Variants in CA5A observed in about 807,000 individuals in gnomAD.
CA5A encodes carbonic anhydrase 5A, mitochondrial.
Under a neutral mutation model 37.1 loss-of-function variants are expected in CA5A, and 28 were observed. The observed-to-expected ratio is 0.75, with a 90% CI of 0.56 to 1.03. The LOEUF (loss-of-function observed/expected upper bound fraction) is 1.03. CA5A is among the 50% of genes least tolerant of loss of function. The pLI is 0.00. For synonymous variants in CA5A, 171 were observed against 158.4 expected (o/e 1.08, Z -0.60); for missense variants, 444 against 399.9 (o/e 1.11, Z -0.94).
At chr16:87,892,836 A>G (rs1481452873) in intron 5 of CA5A, 2 of 319,536 alleles carry the variant, frequency 6.3e-6, no homozygotes, top group Non-Finnish European at 1.1e-5. Context: ...TTGTATTTTT[A>G]GTAGAGACAG....
At chr16:87,929,868 TC>T (rs1400389896) in intron 1 of CA5A, among the ~76,000 whole-genome samples, 4 of 11,572 alleles carry the variant, frequency 3.5e-4, no homozygotes, top group Admixed American at 3.2e-3. Context: ...CGAGACTCCG[TC>T]TCAAAAAAAA....
chr16:87,916,840 C>T (rs7185841), intron 2 of CA5A, among the ~76,000 whole-genome samples: 2,782 of 152,134 alleles, frequency 0.018, 39 homozygotes, highest in Non-Finnish European at 0.028. Context: ...TGGTGGCTCA[C>T]GCCTGTAATC....
rs1197648512 is a variant in CA5A, at chr16:87,902,445, C to T, written c.535G>A (p.Val179Met). 1.2e-6 allele frequency: 2 copies of T among 1,611,730 alleles called. No individual in the cohort carries two copies. The highest frequency in any genetic ancestry group is 1.7e-6 in the Non-Finnish European group (2 of 1,177,898). ...EAVVGENGLA[V>M]IGVFLKLGAH... ...ATTACCTTTAAAAACACGCCTATCACAGCCAAACCATTCTCTCCCACGACA... is the reference window on the plus strand; with the variant it reads ...ATTACCTTTAAAAACACGCCTATCATAGCCAAACCATTCTCTCCCACGACA... Residue 179 changes from valine to methionine, a missense_variant, in exon 4 of 7, where the codon GTG becomes ATG. Val to Met is a conservative substitution (Grantham distance 21). Coordinates refer to ENST00000649794, the MANE Select transcript of CA5A (RefSeq NM_001739.2).
chr16:87,893,069 C>G, intron 5 of CA5A: 1 of 1,006,748 alleles, frequency 9.9e-7, no homozygotes, highest in East Asian at 2.6e-5. Context: ...TGCAGTCTCT[C>G]AAGCCCCGAG....
intron 2 of CA5A, among the ~76,000 whole-genome samples, chr16:87,920,447 T>G (rs927865188): frequency 1.3e-5 from 2 of 151,874 alleles, no homozygotes; most frequent in African/African-American, 4.8e-5. Context: ...GTAGCTGGGA[T>G]TACAGGCATG....
chr16:87,928,612 T>C (rs1420717062), intron 1 of CA5A, among the ~76,000 whole-genome samples: 1 of 152,176 alleles, frequency 6.6e-6, no homozygotes, highest in African/African-American at 2.4e-5. Context: ...TGGTGGCACG[T>C]TTCCATTGTA....
chr16:87,915,685 T>A, intron 2 of CA5A, among the ~76,000 whole-genome samples: 1 of 105,276 alleles, frequency 9.5e-6, no homozygotes, highest in Non-Finnish European at 1.8e-5. Context: ...CAAGATCCTG[T>A]CTCCAAAAAA....
intron 1 of CA5A, among the ~76,000 whole-genome samples, chr16:87,930,512 G>C (rs755570559): frequency 6.6e-6 from 1 of 152,126 alleles, no homozygotes; most frequent in Non-Finnish European, 1.5e-5. Flanking sequence ...ATCAACATCA[G>C]ACCCAGGCGC....
downstream of CA5A, chr16:87,887,120 G>A (rs2055654730): frequency 6.6e-6 from 1 of 152,014 alleles, no homozygotes; most frequent in Admixed American, 6.6e-5. Flanking sequence ...TCAGGCTGGT[G>A]TCGAACTTCT....
At chr16:87,913,624 C>T (rs533099157) in intron 2 of CA5A, among the ~76,000 whole-genome samples, 1 of 151,894 alleles carries the variant, frequency 6.6e-6, no homozygotes, top group Non-Finnish European at 1.5e-5. Flanking sequence ...CTCTTTCTTG[C>T]ACCTTCCCAT....
In CA5A at chr16:87,914,493, G is replaced by A. The variant is rs568207999; in HGVS notation, c.341-9589C>T. ...TGCCGTTCAGCCCCGCTGCACCCCC[G>A]TCTGTCTCCAAGGCTGAGGAACTGG... On this transcript the variant is annotated intron_variant, in intron 2 of 6. Coordinates refer to ENST00000649794, the MANE Select transcript of CA5A (RefSeq NM_001739.2). Among the ~76,000 whole-genome samples, 13 of 152,326 alleles carry A rather than the reference G, an allele frequency of 8.5e-5. No homozygotes were observed. In the South Asian group the frequency reaches 2.1e-3, roughly 24 times the overall value.
At chr16:87,884,291 G>T (rs1267066634), downstream of CA5A, 1 of 149,578 alleles carries the variant, frequency 6.7e-6, no homozygotes, top group Non-Finnish European at 1.5e-5. Context: ...AAAAAGACTG[G>T]GCACAGTGGC....
At chr16:87,929,871 C>CAA (rs58941982) in intron 1 of CA5A, among the ~76,000 whole-genome samples, 5,904 of 62,250 alleles carry the variant, frequency 0.095, 1,280 homozygotes, top group East Asian at 0.19. Flanking sequence ...GACTCCGTCT[C>CAA]AAAAAAAAAA....
intron 3 of CA5A, among the ~76,000 whole-genome samples, chr16:87,903,107 C>T (rs1286264294): frequency 6.6e-6 from 1 of 151,958 alleles, no homozygotes; most frequent in Non-Finnish European, 1.5e-5. Flanking sequence ...TTTCTACTTC[C>T]TAGTTATCCT....
At chr16:87,929,158 A>G (rs993355752) in intron 1 of CA5A, among the ~76,000 whole-genome samples, 2 of 148,312 alleles carry the variant, frequency 1.3e-5, no homozygotes, top group East Asian at 2.2e-4. Flanking sequence ...AAGGATAAAG[A>G]TGTATAGCCC....
At chr16:87,930,781 C>T (rs1291260690) in intron 1 of CA5A, among the ~76,000 whole-genome samples, 1 of 151,256 alleles carries the variant, frequency 6.6e-6, no homozygotes, top group Admixed American at 6.6e-5. Flanking sequence ...CCTTCTGTGG[C>T]CCAGGCTGGA....
At chr16:87,910,196 G>A (rs138275095) in intron 2 of CA5A, among the ~76,000 whole-genome samples, 19 of 152,296 alleles carry the variant, frequency 1.2e-4, no homozygotes, top group East Asian at 3.9e-4. Flanking sequence ...GCCGTGTCCC[G>A]GGCACCACGC....
chr16:87,930,282 G>A (rs1329335177), intron 1 of CA5A, among the ~76,000 whole-genome samples: 1 of 152,182 alleles, frequency 6.6e-6, no homozygotes, highest in Non-Finnish European at 1.5e-5. Flanking sequence ...TTACAGGTGG[G>A]AAAGCAGAGG....
intron 6 of CA5A, among the ~76,000 whole-genome samples, chr16:87,888,896 G>A (rs1567513057): frequency 6.6e-6 from 1 of 151,084 alleles, no homozygotes; most frequent in Non-Finnish European, 1.5e-5. Flanking sequence ...GGAATTACAG[G>A]CACAAGCCAC....
Sources: gnomAD v4.1 joint callset for allele counts (sites outside exome capture counted in the v4.1 genomes callset) on GRCh38, gnomAD v4.1.1 for gene constraint, MANE v1.5 for transcripts, NCBI Gene and HGNC (gene_info 2026-07-23, HGNC 2026-07-21) for gene names.